CACNA1C: variants seen among roughly 807,000 people sequenced by gnomAD.
CACNA1C encodes the protein voltage-dependent L-type calcium channel subunit alpha-1C.
A neutral mutation model predicts 229.0 loss-of-function variants in CACNA1C; 30 were observed. The observed-to-expected ratio is 0.13, with a 90% CI of 0.10 to 0.18. The LOEUF is 0.18. Ranked by LOEUF, CACNA1C falls within the 10% of genes least tolerant of loss-of-function variation. The pLI is 1.00. For synonymous variants in CACNA1C, 1,114 were observed against 1,132.5 expected (o/e 0.98, Z 0.33); for missense variants, 1,658 against 2,845.0 (o/e 0.58, Z 9.49).
intron 1 of CACNA1C, among the ~76,000 whole-genome samples, chr12:2,062,848 G>T (rs140293369): frequency 6.6e-6 from 1 of 152,248 alleles, no homozygotes; most frequent in East Asian, 1.9e-4. Context: ...ATTCTCAAAC[G>T]AGATTCCCGT....
intron 3 of CACNA1C, among the ~76,000 whole-genome samples, chr12:2,337,320 C>T (rs1037526781): frequency 6.6e-6 from 1 of 152,208 alleles, no homozygotes; most frequent in African/African-American, 2.4e-5. Context: ...GCCGTATGAA[C>T]ACCCTCCTTT....
At chr12:2,070,727 G>C (rs762303246) in intron 1 of CACNA1C, among the ~76,000 whole-genome samples, 6 of 152,148 alleles carry the variant, frequency 3.9e-5, no homozygotes, top group Non-Finnish European at 8.8e-5. Context: ...TAATTACATA[G>C]ATTAAAATAT....
intron 3 of CACNA1C, among the ~76,000 whole-genome samples, chr12:2,338,843 C>G (rs2096778811): frequency 6.6e-6 from 1 of 151,980 alleles, no homozygotes; most frequent in African/African-American, 2.4e-5. Flanking sequence ...GTCCCTTTCC[C>G]CCAACACACC....
At chr12:2,623,948 G>C (rs1051207022) in intron 29 of CACNA1C, among the ~76,000 whole-genome samples, 1 of 152,164 alleles carries the variant, frequency 6.6e-6, no homozygotes, top group Admixed American at 6.5e-5. Context: ...CATCCGTGCC[G>C]TGCTCAGCAG....
chr12:2,307,329 G>C (rs935467657), intron 3 of CACNA1C, among the ~76,000 whole-genome samples: 1 of 152,192 alleles, frequency 6.6e-6, no homozygotes, highest in Non-Finnish European at 1.5e-5. Context: ...AAATCTGAAA[G>C]CTGCTGATGT....
intron 3 of CACNA1C, among the ~76,000 whole-genome samples, chr12:2,413,988 C>G (rs2098836989): frequency 6.6e-6 from 1 of 152,178 alleles, no homozygotes. Context: ...AAGGCTGCCC[C>G]CAAAACTCAA....
chr12:2,460,287 C>T (rs115092350), intron 5 of CACNA1C, among the ~76,000 whole-genome samples: 247 of 152,302 alleles, frequency 1.6e-3, no homozygotes, highest in African/African-American at 5.8e-3. Context: ...CTGGCCAAAG[C>T]GAGTCACATG....
chr12:2,041,932 G>A (rs761409603), intron 1 of CACNA1C, among the ~76,000 whole-genome samples: 1 of 152,146 alleles, frequency 6.6e-6, no homozygotes, highest in Non-Finnish European at 1.5e-5. Flanking sequence ...TTGTGAAAAA[G>A]TCTGTGCCTC....
intron 1 of CACNA1C, among the ~76,000 whole-genome samples, chr12:2,070,970 C>A (rs2060984452): frequency 7.8e-6 from 1 of 128,516 alleles, no homozygotes. Context: ...TCCCTGCCTG[C>A]CTGCCTTCCT....
intron 3 of CACNA1C, among the ~76,000 whole-genome samples, chr12:2,141,407 T>G (rs1162823647): frequency 6.6e-6 from 1 of 151,194 alleles, no homozygotes; most frequent in African/African-American, 2.4e-5. Flanking sequence ...CCCTGGACGG[T>G]GCAAGCTGCC....
chr12:2,221,755 T>C (rs2061518378), intron 3 of CACNA1C: 1 of 152,236 alleles, frequency 6.6e-6, no homozygotes, highest in African/African-American at 2.4e-5. Context: ...TGTAGTCTTA[T>C]TTGTAATGGA....
At chr12:2,179,684 G>A (rs1477414851) in intron 3 of CACNA1C, among the ~76,000 whole-genome samples, 4 of 152,228 alleles carry the variant, frequency 2.6e-5, no homozygotes, top group Admixed American at 6.5e-5. Context: ...ACAGACATGA[G>A]TGAAGTTGGA....
At chr12:2,093,400 G>C (rs545326617) in intron 1 of CACNA1C, among the ~76,000 whole-genome samples, 1 of 152,252 alleles carries the variant, frequency 6.6e-6, no homozygotes, top group Non-Finnish European at 1.5e-5. Context: ...AATGAGACAG[G>C]ACTCTGCTCT....
intron 3 of CACNA1C, among the ~76,000 whole-genome samples, chr12:2,173,349 C>T (rs1025025164): frequency 1.6e-4 from 25 of 152,130 alleles, no homozygotes; most frequent in Admixed American, 1.0e-3. Flanking sequence ...TTTTATTCAA[C>T]GGGTATTAAT....
intron 29 of CACNA1C, among the ~76,000 whole-genome samples, chr12:2,615,814 A>G (rs988503582): frequency 7.2e-5 from 11 of 152,184 alleles, no homozygotes; most frequent in African/African-American, 2.7e-4. Flanking sequence ...TGTCTCAGCA[A>G]GGGTACTGGG....
At chr12:2,359,268 C>G (rs116506348) in intron 3 of CACNA1C, among the ~76,000 whole-genome samples, 76 of 152,270 alleles carry the variant, frequency 5.0e-4, no homozygotes, top group African/African-American at 1.6e-3. Context: ...TGATCTCTAC[C>G]ACGTGAATGG....
chr12:2,037,105 G>T (rs2049287537), intron 1 of CACNA1C, among the ~76,000 whole-genome samples: 1 of 152,160 alleles, frequency 6.6e-6, no homozygotes, highest in South Asian at 2.1e-4. Context: ...TTTTAGGCAG[G>T]ATTCATTCTA....
At chr12:1,990,377 T>C (rs2039049729) in intron 1 of CACNA1C, among the ~76,000 whole-genome samples, 1 of 152,232 alleles carries the variant, frequency 6.6e-6, no homozygotes, top group Non-Finnish European at 1.5e-5. Flanking sequence ...TTAAACCCTT[T>C]AAACAATGTA....
At chr12:2,402,467 G>A (rs757665616) in intron 3 of CACNA1C, among the ~76,000 whole-genome samples, 12 of 152,180 alleles carry the variant, frequency 7.9e-5, no homozygotes, top group Non-Finnish European at 1.5e-4. Flanking sequence ...CACTGCAGGC[G>A]GTGTGAATGT....
Sources: gnomAD v4.1 joint callset for allele counts (sites outside exome capture counted in the v4.1 genomes callset) on GRCh38, gnomAD v4.1.1 for gene constraint, MANE v1.5 for transcripts, NCBI Gene and HGNC (gene_info 2026-07-23, HGNC 2026-07-21) for gene names.